KBTBD2: variants seen among roughly 807,000 people sequenced by gnomAD.
KBTBD2 encodes kelch repeat and BTB domain containing 2.
In KBTBD2, 17 loss-of-function variants were observed where a neutral mutation model predicts 57.1. The ratio of observed to expected loss-of-function variants is 0.30; its 90% CI spans 0.20 to 0.45. The LOEUF (loss-of-function observed/expected upper bound fraction) is 0.45. Ranked by LOEUF, KBTBD2 falls within the 20% of genes least tolerant of loss-of-function variation. KBTBD2 has a pLI of 1.00. For synonymous variants in KBTBD2, 267 were observed against 262.7 expected (o/e 1.02, Z -0.16); for missense variants, 515 against 750.6 (o/e 0.69, Z 3.67).
At chr7:32,885,880 A>T (rs1054385459) in intron 1 of KBTBD2, among the ~76,000 whole-genome samples, 1 of 150,240 alleles carries the variant, frequency 6.7e-6, no homozygotes, top group Non-Finnish European at 1.5e-5. Flanking sequence ...TATACACAGG[A>T]TGAAATCCTC....
Position 32,869,091 on chromosome 7 carries a change from ATT to A in KBTBD2, c.*252_*253del. ...GGGCTAACAATGTTAGATAATCCAG[ATT>A]CTTATACTCTCATGATTACACATAA... On this transcript the variant is annotated 3_prime_UTR_variant, in exon 4 of 4. Transcript: ENST00000304056. 1 of 364,366 alleles carries A rather than the reference ATT, an allele frequency of 2.7e-6. No individual in the cohort carries two copies. Among genetic ancestry groups the A allele is most frequent in the Non-Finnish European group, 4.9e-6 (1 of 202,436 alleles). The allele number at this position is 364,366 out of a possible 1,614,324, so 22.6% of individuals were successfully genotyped here. A position where few individuals can be genotyped will look rare whatever the true frequency, so the allele number is the denominator to read the frequency against.
rs1397834959 is a variant in KBTBD2, at chr7:32,868,453, A to T, written c.*892T>A. 6.6e-6 allele frequency: 1 copy of T among 152,634 alleles called. No individual in the cohort carries two copies. The highest frequency in any genetic ancestry group is 2.4e-5 in the African/African-American group (1 of 41,446). 9.5% of individuals were successfully genotyped at this position (152,634 alleles called of 1,614,324 possible). The stretch of plus-strand genomic sequence containing the variant: ...TTAAAAAAAACACACCCTGACAGCT[A>T]ACAGATCTATACACAATCACTCTAC... On this transcript the variant is annotated 3_prime_UTR_variant, in exon 4 of 4. Coordinates refer to ENST00000304056, the MANE Select transcript of KBTBD2 (RefSeq NM_015483.3).
intron 1 of KBTBD2, among the ~76,000 whole-genome samples, chr7:32,887,375 T>C (rs187135247): frequency 3.0e-4 from 46 of 152,278 alleles, no homozygotes; most frequent in African/African-American, 9.6e-4. Flanking sequence ...TCAAAACTGC[T>C]AAAGATTCTA....
rs765641650 is a variant in KBTBD2, at chr7:32,869,789, C to A, written c.1428G>T (p.Gly476=). 2 of 1,613,740 alleles carry A rather than the reference C, an allele frequency of 1.2e-6. No individual in the cohort carries two copies. Among genetic ancestry groups the A allele is most frequent in the South Asian group, 2.2e-5 (2 of 91,050 alleles). ...TGCCGGAATTGGTAGCAATATGCAA[C>A]CCTCCAATATAGAAAATTTTATCAC... is the stretch of plus-strand genomic sequence containing the variant. The part of the protein sequence containing the change: ...AFGDKIFYIG[G]LHIATNSGIR... Residue 476 remains glycine (G), a synonymous_variant, in exon 4 of 4, where the codon GGG becomes GGT. Coordinates refer to ENST00000304056, the MANE Select transcript of KBTBD2 (RefSeq NM_015483.3).
At chr7:32,883,484 T>C (rs1784493471) in intron 1 of KBTBD2, among the ~76,000 whole-genome samples, 1 of 152,186 alleles carries the variant, frequency 6.6e-6, no homozygotes, top group Non-Finnish European at 1.5e-5. Flanking sequence ...TGTAAAAGGC[T>C]CCTTCCCTCC....
chr7:32,881,605 A>G (rs369900321), intron 1 of KBTBD2, among the ~76,000 whole-genome samples: 30 of 152,360 alleles, frequency 2.0e-4, no homozygotes, highest in African/African-American at 7.0e-4. Context: ...GAAAGTAACT[A>G]AAACAGGTGC....
chr7:32,886,480 C>A (rs1234045873), intron 1 of KBTBD2, among the ~76,000 whole-genome samples: 1 of 152,064 alleles, frequency 6.6e-6, no homozygotes, highest in Admixed American at 6.6e-5. Context: ...GAAACTCTTC[C>A]CACAAAATAT....
At chr7:32,882,606 A>T (rs1164188135) in intron 1 of KBTBD2, among the ~76,000 whole-genome samples, 1 of 152,228 alleles carries the variant, frequency 6.6e-6, no homozygotes, top group Admixed American at 6.5e-5. Flanking sequence ...CTGGAGAGGC[A>T]GCCTACGTAA....
intron 2 of KBTBD2, among the ~76,000 whole-genome samples, chr7:32,876,085 T>C (rs1320307139): frequency 6.6e-6 from 1 of 152,176 alleles, no homozygotes; most frequent in African/African-American, 2.4e-5. Flanking sequence ...TCTAAAAATA[T>C]GCAGGACACT....
intron 2 of KBTBD2, 70 bp from the exon 3 acceptor site, chr7:32,875,227 A>T (rs757790270): frequency 7.8e-5 from 105 of 1,344,920 alleles, no homozygotes; most frequent in Admixed American, 2.2e-4. Context: ...TGAAAAGAAC[A>T]ATTAGACAAT....
intron 1 of KBTBD2, 47 bp downstream of exon 1, chr7:32,891,489 G>A (rs563128275): frequency 1.3e-5 from 2 of 150,672 alleles, no homozygotes; most frequent in South Asian, 2.1e-4. Context: ...CCCTCCACAG[G>A]TCGCCGCGGG....
intron 3 of KBTBD2, among the ~76,000 whole-genome samples, chr7:32,871,349 A>G (rs997236415): frequency 1.3e-5 from 2 of 152,232 alleles, no homozygotes; most frequent in African/African-American, 4.8e-5. Flanking sequence ...GAGTAAGAGT[A>G]GTTATTTGCC....
chr7:32,870,153 G>A lies in KBTBD2; in HGVS notation c.1064C>T (p.Ala355Val), dbSNP rs1784138921. The A allele has an allele frequency of 6.2e-7, 1 of 1,614,176 alleles. No homozygotes were observed. Among genetic ancestry groups the A allele is most frequent in the Non-Finnish European group, 8.5e-7 (1 of 1,180,020 alleles). ...CTTTGGAAACCAGGTATTTTGCTGTGCATCAAACCAATAAAAGCAATTCAC... is the reference window on the plus strand; with the variant it reads ...CTTTGGAAACCAGGTATTTTGCTGTACATCAAACCAATAAAAGCAATTCAC... ...RTVNCFYWFD[A>V]QQNTWFPKTP... Residue 355 changes from alanine to valine, a missense_variant, in exon 4 of 4, where the codon GCA (alanine) becomes GTA (valine). Physicochemically the swap from Ala to Val is moderately conservative, Grantham distance 64 (BLOSUM62 0). Coordinates refer to ENST00000304056, the MANE Select transcript of KBTBD2 (RefSeq NM_015483.3).
intron 1 of KBTBD2, among the ~76,000 whole-genome samples, chr7:32,886,323 T>A (rs1304827240): frequency 6.6e-6 from 1 of 152,218 alleles, no homozygotes; most frequent in African/African-American, 2.4e-5. Flanking sequence ...CAAATGCTTC[T>A]AATACATTTT....
intron 1 of KBTBD2, among the ~76,000 whole-genome samples, chr7:32,888,310 T>TAA (rs1784632950): frequency 6.6e-6 from 1 of 152,116 alleles, no homozygotes; most frequent in Admixed American, 6.5e-5. Flanking sequence ...GATGTCAGTG[T>TAA]AAAAAACTAA....
In KBTBD2 at chr7:32,870,437, T is replaced by C; in HGVS notation, c.780A>G (p.Arg260=). The C allele has an allele frequency of 1.2e-6, 2 of 1,613,940 alleles. No individual in the cohort carries two copies. The highest frequency in any genetic ancestry group is 1.7e-6 in the Non-Finnish European group (2 of 1,179,914). ...YKSMPKFFKP[R]LGMTKEEMMI... ...TCATTTCCTCTTTAGTCATCCCAAGTCTTGGTTTGAAAAACTTGGGCATGG... is the reference window on the plus strand; with the variant it reads ...TCATTTCCTCTTTAGTCATCCCAAGCCTTGGTTTGAAAAACTTGGGCATGG... The change falls in exon 4 of 4, where the codon AGA becomes AGG. Residue 260 remains arginine (R), a synonymous_variant. Transcript: ENST00000304056.
intron 3 of KBTBD2, among the ~76,000 whole-genome samples, chr7:32,874,367 T>A (rs1784257158): frequency 6.6e-6 from 1 of 150,638 alleles, no homozygotes. Context: ...GCCACTAGAC[T>A]CCAGCCTGGG....
At chr7:32,872,335 C>T (rs1170570038) in intron 3 of KBTBD2, among the ~76,000 whole-genome samples, 3 of 152,154 alleles carry the variant, frequency 2.0e-5, no homozygotes, top group Non-Finnish European at 4.4e-5. Context: ...GCCTCAGTTT[C>T]CCCAGAGTTG....
chr7:32,875,829 C>T (rs1430740501), intron 2 of KBTBD2, among the ~76,000 whole-genome samples: 3 of 151,910 alleles, frequency 2.0e-5, no homozygotes, highest in Admixed American at 1.3e-4. Flanking sequence ...TTATATAAAA[C>T]GTCTAAAAAA....
Sources: allele counts gnomAD v4.1 joint callset (sites outside exome capture counted in the v4.1 genomes callset), GRCh38; gene constraint gnomAD v4.1.1; transcripts MANE v1.5; gene names NCBI Gene and HGNC (gene_info 2026-07-23, HGNC 2026-07-21).